The following BNC2 variants were observed in gnomAD, a reference collection of about 807,000 sequenced individuals.
The protein encoded by BNC2 is zinc finger protein basonuclin-2.
BNC2 carries 20 observed loss-of-function variants against 76.3 expected under a neutral mutation model. The observed-to-expected ratio is 0.26, with a 90% CI of 0.18 to 0.38. The LOEUF (loss-of-function observed/expected upper bound fraction) is 0.38. BNC2 is among the 10% of genes least tolerant of loss of function. The pLI, the probability that BNC2 is intolerant of heterozygous loss-of-function variation, is 1.00. For missense variants in BNC2, 1,382 were observed against 1,399.8 expected (o/e 0.99, Z 0.20); for synonymous variants, 582 against 514.8 (o/e 1.13, Z -1.77).
intron 5 of BNC2, among the ~76,000 whole-genome samples, chr9:16,465,396 A>C (rs890969052): frequency 1.4e-4 from 19 of 140,728 alleles, no homozygotes; most frequent in African/African-American, 4.8e-4. Flanking sequence ...AGATTGTGCA[A>C]CTACACTGTA....
At chr9:16,552,450 G>A (rs1027590114) in intron 5 of BNC2, 80 bp downstream of exon 5, 44 of 1,181,726 alleles carry the variant, frequency 3.7e-5, no homozygotes, top group Non-Finnish European at 5.0e-5. Flanking sequence ...AGCCCTTCCT[G>A]CGAGGTTTGT....
In BNC2 at chr9:16,528,463, G is replaced by A. The variant is rs189468307; in HGVS notation, c.669+24067C>T. On this transcript the variant is annotated intron_variant, in intron 5 of 6. Coordinates refer to ENST00000380672, the MANE Select transcript of BNC2 (RefSeq NM_017637.6). ...TGAGTTGAGAGGAACAACTTCCACTGTTGATTTTCTAAATGTTAATATATG... is the reference window on the plus strand; with the variant it reads ...TGAGTTGAGAGGAACAACTTCCACTATTGATTTTCTAAATGTTAATATATG... Among the ~76,000 whole-genome samples, 6 of 152,234 alleles carry A rather than the reference G, an allele frequency of 3.9e-5. No individual in the cohort carries two copies. In the East Asian group the frequency reaches 9.7e-4, roughly 25 times the overall value.
intron 3 of BNC2, among the ~76,000 whole-genome samples, chr9:16,611,614 A>C (rs1307653660): frequency 6.6e-6 from 1 of 152,172 alleles, no homozygotes; most frequent in Non-Finnish European, 1.5e-5. Flanking sequence ...CAACAAAAAA[A>C]TTCAAGGTAA....
intron 5 of BNC2, among the ~76,000 whole-genome samples, chr9:16,529,395 A>G (rs1817909868): frequency 6.6e-6 from 1 of 152,188 alleles, no homozygotes; most frequent in Admixed American, 6.5e-5. Context: ...TAATGATAAC[A>G]TATGGAGAAG....
At chr9:16,699,509 A>AT (rs1424294522) in intron 3 of BNC2, among the ~76,000 whole-genome samples, 2 of 152,178 alleles carry the variant, frequency 1.3e-5, no homozygotes, top group Non-Finnish European at 2.9e-5. Context: ...TGACACAAGT[A>AT]TTTTTTAAAC....
intron 1 of BNC2, among the ~76,000 whole-genome samples, chr9:16,824,765 A>G (rs1818413711): frequency 6.6e-6 from 1 of 152,220 alleles, no homozygotes; most frequent in Non-Finnish European, 1.5e-5. Flanking sequence ...GGGGTTGCCA[A>G]GGGAAGCCAA....
intron 3 of BNC2, among the ~76,000 whole-genome samples, chr9:16,658,333 G>C (rs1157817359): frequency 6.6e-6 from 1 of 151,854 alleles, no homozygotes; most frequent in Non-Finnish European, 1.5e-5. Flanking sequence ...TAAGGGAGAG[G>C]GGGAAAAAAG....
intron 1 of BNC2, among the ~76,000 whole-genome samples, chr9:16,836,410 T>C (rs904385486): frequency 2.6e-5 from 4 of 151,442 alleles, no homozygotes; most frequent in African/African-American, 4.9e-5. Context: ...CATAAAGGGG[T>C]ATATGAAAAT....
intron 3 of BNC2, among the ~76,000 whole-genome samples, chr9:16,592,517 T>A (rs1377382411): frequency 1.3e-5 from 2 of 152,194 alleles, no homozygotes; most frequent in Non-Finnish European, 2.9e-5. Context: ...GATTAGTGGC[T>A]GCCTTGTGGG....
intron 1 of BNC2, among the ~76,000 whole-genome samples, chr9:16,837,490 C>A (rs935426030): frequency 8.6e-5 from 13 of 151,932 alleles, no homozygotes; most frequent in Non-Finnish European, 1.9e-4. Context: ...GGCGACAGTG[C>A]GAGACTCCAT....
intron 3 of BNC2, among the ~76,000 whole-genome samples, chr9:16,698,642 C>G (rs919665547): frequency 2.0e-5 from 3 of 151,644 alleles, no homozygotes; most frequent in South Asian, 4.2e-4. Flanking sequence ...TGCGGTGAGC[C>G]AAGATGGCGC....
At chr9:16,577,926 A>T (rs1466443000) in intron 4 of BNC2, among the ~76,000 whole-genome samples, 1 of 152,222 alleles carries the variant, frequency 6.6e-6, no homozygotes, top group Non-Finnish European at 1.5e-5. Flanking sequence ...TAATTTGCAC[A>T]GAGAAAGCTG....
intron 3 of BNC2, among the ~76,000 whole-genome samples, chr9:16,681,057 C>T (rs1475297845): frequency 2.0e-5 from 3 of 152,118 alleles, no homozygotes; most frequent in Non-Finnish European, 4.4e-5. Context: ...ATTAAAATTA[C>T]TTTACTGGGA....
intron 3 of BNC2, among the ~76,000 whole-genome samples, chr9:16,695,071 A>G (rs1823297619): frequency 6.6e-6 from 1 of 152,160 alleles, no homozygotes; most frequent in Non-Finnish European, 1.5e-5. Context: ...ATCTTATGAA[A>G]ATATTTTTTC....
At chr9:16,627,277 A>T (rs1436743656) in intron 3 of BNC2, among the ~76,000 whole-genome samples, 1 of 152,212 alleles carries the variant, frequency 6.6e-6, no homozygotes, top group Non-Finnish European at 1.5e-5. Context: ...CACCTGTCTC[A>T]ATAGCAGGCT....
At chr9:16,657,001 C>G (rs888334479) in intron 3 of BNC2, among the ~76,000 whole-genome samples, 3 of 152,012 alleles carry the variant, frequency 2.0e-5, no homozygotes, top group African/African-American at 7.2e-5. Flanking sequence ...ATTTAAAGAA[C>G]GGTGGAGGCT....
intron 3 of BNC2, among the ~76,000 whole-genome samples, chr9:16,696,265 T>G (rs1370657882): frequency 1.3e-5 from 2 of 152,200 alleles, no homozygotes; most frequent in Non-Finnish European, 2.9e-5. Flanking sequence ...CTCTACAATC[T>G]AGCTCTAACC....
chr9:16,556,360 G>A (rs1818831169), intron 4 of BNC2, among the ~76,000 whole-genome samples: 2 of 152,030 alleles, frequency 1.3e-5, no homozygotes, highest in South Asian at 2.1e-4. Flanking sequence ...CCCTGAGGAC[G>A]ATGAAAAGGC....
intron 1 of BNC2, among the ~76,000 whole-genome samples, chr9:16,819,599 G>A (rs138823739): frequency 2.4e-3 from 361 of 152,212 alleles, no homozygotes; most frequent in Non-Finnish European, 4.0e-3. Flanking sequence ...GGAGGTTGCA[G>A]TGAGCTGAGA....
Sources: allele counts gnomAD v4.1 joint callset (sites outside exome capture counted in the v4.1 genomes callset), GRCh38; gene constraint gnomAD v4.1.1; transcripts MANE v1.5; gene names NCBI Gene and HGNC (gene_info 2026-07-23, HGNC 2026-07-21).